Variants in HDX observed in about 807,000 individuals in gnomAD.
HDX encodes chromosome X open reading frame 43.
HDX carries 19 observed loss-of-function variants against 45.2 expected under a neutral mutation model. The ratio of observed to expected loss-of-function variants is 0.42; its 90% CI spans 0.29 to 0.62. The LOEUF (loss-of-function observed/expected upper bound fraction) is 0.62. Among genes scored for constraint, HDX ranks in the 20% least tolerant of loss-of-function variants. HDX has a pLI of 0.20. For synonymous variants in HDX, 188 were observed against 172.8 expected (o/e 1.09, Z -0.69); for missense variants, 532 against 493.9 (o/e 1.08, Z -0.73).
intron 8 of HDX, 99 bp downstream of exon 8, chrX:84,336,702 A>G: frequency 1.7e-6 from 1 of 592,327 alleles, no homozygotes; most frequent in South Asian, 2.9e-5. Flanking sequence ...TGTGAAGTGG[A>G]GCAAGACTTT....
chrX:84,323,054 T>TA (rs1308303046), intron 10 of HDX, among the ~76,000 whole-genome samples: 2 of 111,004 alleles, frequency 1.8e-5, no homozygotes, highest in Non-Finnish European at 3.8e-5. Flanking sequence ...TTCTCTTTAT[T>TA]AAAATAAGTG....
intron 4 of HDX, among the ~76,000 whole-genome samples, chrX:84,454,658 C>T (rs748414784): frequency 9.0e-6 from 1 of 111,131 alleles, no homozygotes; most frequent in African/African-American, 3.3e-5. Flanking sequence ...AACTGCCATC[C>T]TGAAGAAAAG....
At chrX:84,466,765 G>A (rs2040359634) in intron 4 of HDX, among the ~76,000 whole-genome samples, 1 of 111,592 alleles carries the variant, frequency 9.0e-6, no homozygotes, top group Non-Finnish European at 1.9e-5. Context: ...TGGTAAAGCA[G>A]AAAATATGAT....
At chrX:84,420,738 G>A (rs1222077921) in intron 5 of HDX, among the ~76,000 whole-genome samples, 3 of 110,884 alleles carry the variant, frequency 2.7e-5, no homozygotes, top group African/African-American at 9.9e-5. Flanking sequence ...GACTCTAAGA[G>A]CGGCAAGAGA....
intron 5 of HDX, among the ~76,000 whole-genome samples, chrX:84,362,172 A>G (rs2037637449): frequency 9.0e-6 from 1 of 111,621 alleles, no homozygotes; most frequent in Admixed American, 9.6e-5. Flanking sequence ...ACGTAGCCCT[A>G]AAATCATATT....
At chrX:84,373,788 C>G (rs1264548198) in intron 5 of HDX, among the ~76,000 whole-genome samples, 1 of 111,033 alleles carries the variant, frequency 9.0e-6, no homozygotes, top group Non-Finnish European at 1.9e-5. Context: ...TATGACAAAC[C>G]CACAGCCAAT....
chrX:84,341,668 A>G (rs998957788), intron 7 of HDX, among the ~76,000 whole-genome samples: 1 of 109,375 alleles, frequency 9.1e-6, no homozygotes, highest in African/African-American at 3.3e-5. Context: ...TGAGACCACG[A>G]GACTACTGAA....
At chrX:84,404,668 G>A (rs1248253236) in intron 5 of HDX, among the ~76,000 whole-genome samples, 1 of 111,263 alleles carries the variant, frequency 9.0e-6, no homozygotes, top group African/African-American at 3.3e-5. Flanking sequence ...CGAGTCAAAA[G>A]GAGAAAGCAG....
At chrX:84,478,606 C>T (rs1051295166) in intron 2 of HDX, among the ~76,000 whole-genome samples, 21 of 111,873 alleles carry the variant, frequency 1.9e-4, no homozygotes, top group Admixed American at 4.8e-4. Context: ...AATGGGATGA[C>T]GCATTTGGAG....
At chrX:84,339,720 T>C (rs1186775176) in intron 7 of HDX, among the ~76,000 whole-genome samples, 1 of 111,068 alleles carries the variant, frequency 9.0e-6, no homozygotes, top group Non-Finnish European at 1.9e-5. Flanking sequence ...GCGCCCTATG[T>C]GGTGGCTGTA....
At chrX:84,421,753 G>T (rs900527067) in intron 5 of HDX, among the ~76,000 whole-genome samples, 7 of 109,796 alleles carry the variant, frequency 6.4e-5, no homozygotes, top group Non-Finnish European at 1.1e-4. Flanking sequence ...AATCAAAAAA[G>T]AGCAAGAGTC....
rs1444878848 is a variant in HDX, at chrX:84,341,223, G to A, written c.1660+3027C>T. Among the ~76,000 whole-genome samples the A allele has an allele frequency of 3.6e-5, 4 of 110,601 alleles. No homozygotes were observed. In the East Asian group the frequency reaches 8.6e-4, roughly 24 times the overall value. On this transcript the variant is annotated intron_variant, in intron 7 of 10. Coordinates refer to ENST00000373177, the MANE Select transcript of HDX (RefSeq NM_001177479.2). The stretch of plus-strand genomic sequence containing the variant: ...CTAAAACACCAGTCATGAGTCACTG[G>A]GAATATCCAAGTATCTCCAGGCATA...
At chrX:84,446,383 A>G (rs775424936) in intron 4 of HDX, among the ~76,000 whole-genome samples, 5 of 112,199 alleles carry the variant, frequency 4.5e-5, no homozygotes, top group African/African-American at 1.6e-4. Context: ...GCACATTCAG[A>G]GATCAGTTCA....
At chrX:84,445,903 C>T (rs755366091) in intron 4 of HDX, among the ~76,000 whole-genome samples, 11 of 111,094 alleles carry the variant, frequency 9.9e-5, no homozygotes, top group African/African-American at 2.9e-4. Flanking sequence ...AACCAAAATG[C>T]TATTTGAAAT....
intron 5 of HDX, among the ~76,000 whole-genome samples, chrX:84,433,179 T>C (rs1762965347): frequency 1.8e-5 from 2 of 111,148 alleles, no homozygotes; most frequent in Non-Finnish European, 1.9e-5. Flanking sequence ...TTTGATACAA[T>C]CCGATTTATT....
intron 5 of HDX, among the ~76,000 whole-genome samples, chrX:84,386,323 T>G (rs963328991): frequency 4.1e-4 from 45 of 110,921 alleles, no homozygotes; most frequent in African/African-American, 1.4e-3. Flanking sequence ...TTTTCTTCAT[T>G]GTGTCTCTGT....
chrX:84,416,964 G>A (rs941903694), intron 5 of HDX, among the ~76,000 whole-genome samples: 1 of 108,973 alleles, frequency 9.2e-6, no homozygotes, highest in African/African-American at 3.4e-5. Flanking sequence ...AGACCAGCCT[G>A]GCTAACATGG....
chrX:84,497,690 A>G (rs930086279), intron 1 of HDX, among the ~76,000 whole-genome samples: 1 of 25,852 alleles, frequency 3.9e-5, no homozygotes, highest in Non-Finnish European at 1.1e-4. Context: ...ATGTTATATG[A>G]CTGTGTGTGT....
At chrX:84,415,802 A>G (rs756979198) in intron 5 of HDX, among the ~76,000 whole-genome samples, 1 of 112,120 alleles carries the variant, frequency 8.9e-6, no homozygotes, top group South Asian at 3.7e-4. Flanking sequence ...GCTTTTCCAC[A>G]ATTTCCACAA....
Sources: gnomAD v4.1 joint callset for allele counts (sites outside exome capture counted in the v4.1 genomes callset) on GRCh38, gnomAD v4.1.1 for gene constraint, MANE v1.5 for transcripts, NCBI Gene and HGNC (gene_info 2026-07-23, HGNC 2026-07-21) for gene names.